DCT: variants seen among roughly 807,000 people sequenced by gnomAD.
DCT encodes L-dopachrome tautomerase.
In DCT, 47 loss-of-function variants were observed where a neutral mutation model predicts 53.0. The observed-to-expected ratio is 0.89, with a 90% confidence interval of 0.70 to 1.13. The LOEUF (loss-of-function observed/expected upper bound fraction) is 1.13, where lower values mean the gene tolerates loss of function less well. Among genes scored for constraint, DCT ranks in the 50% most tolerant of loss-of-function variants. DCT has a pLI of 0.00. For synonymous variants in DCT, 244 were observed against 237.0 expected (o/e 1.03, Z -0.27); for missense variants, 669 against 637.4 (o/e 1.05, Z -0.53).
chr13:94,523,085 A>G, the DCT span, among the ~76,000 whole-genome samples: 2 of 152,224 alleles, frequency 1.3e-5, no homozygotes, highest in Non-Finnish European at 2.9e-5. Context: ...TCCAACCTCA[A>G]AGCAAGAATG....
chr13:94,499,272 G>A, the DCT span, among the ~76,000 whole-genome samples: 980 of 152,258 alleles, frequency 6.4e-3, 11 homozygotes, highest in African/African-American at 0.02. Context: ...AACACTCACC[G>A]TGAAGGTCTG....
At chr13:94,498,670 G>A in the DCT span, among the ~76,000 whole-genome samples, 764 of 152,330 alleles carry the variant, frequency 5.0e-3, 8 homozygotes, top group African/African-American at 0.018. Context: ...AACTATGACA[G>A]GAGCTGTGTA....
At chr13:94,486,183 G>A in the DCT span, among the ~76,000 whole-genome samples, 8 of 152,188 alleles carry the variant, frequency 5.3e-5, no homozygotes, top group East Asian at 1.5e-3. Context: ...TTTTCTCTGG[G>A]GAAGTCAGCA....
chr13:94,497,577 A>G, the DCT span, among the ~76,000 whole-genome samples: 1 of 152,360 alleles, frequency 6.6e-6, no homozygotes, highest in South Asian at 2.1e-4. Context: ...AATAAAGCAA[A>G]CTACAGAAAA....
intron 6 of DCT, 42 bp downstream of exon 6, chr13:94,460,049 T>C (rs1455587696): frequency 1.9e-6 from 3 of 1,592,068 alleles, no homozygotes; most frequent in East Asian, 2.2e-5. Flanking sequence ...ATCTGACATA[T>C]TATCTAGAAA....
At chr13:94,544,900 C>A in the DCT span, among the ~76,000 whole-genome samples, 1 of 152,132 alleles carries the variant, frequency 6.6e-6, no homozygotes, top group African/African-American at 2.4e-5. Flanking sequence ...AAATACTCAT[C>A]TGGTTTTATT....
At chr13:94,497,063 TTGGTTAAA>T in the DCT span, among the ~76,000 whole-genome samples, 1 of 152,238 alleles carries the variant, frequency 6.6e-6, no homozygotes, top group African/African-American at 2.4e-5. Flanking sequence ...ACCCAGACAT[TTGGTTAAA>T]CATTTTTCTG....
chr13:94,472,174 T>G (rs1489243716), intron 1 of DCT, among the ~76,000 whole-genome samples: 1 of 152,182 alleles, frequency 6.6e-6, no homozygotes, highest in Non-Finnish European at 1.5e-5. Context: ...TTATTTTCTT[T>G]GCCATGATTC....
At chr13:94,536,825 T>A in the DCT span, among the ~76,000 whole-genome samples, 1 of 152,092 alleles carries the variant, frequency 6.6e-6, no homozygotes, top group Non-Finnish European at 1.5e-5. Context: ...GAGCTTGTAA[T>A]CCCAGCTACT....
the DCT span, among the ~76,000 whole-genome samples, chr13:94,510,166 C>G: frequency 9.2e-5 from 14 of 152,178 alleles, no homozygotes; most frequent in Non-Finnish European, 1.5e-4. Flanking sequence ...CAAGGGCATT[C>G]TCTAGAGTTA....
the DCT span, among the ~76,000 whole-genome samples, chr13:94,527,142 G>A: frequency 6.6e-6 from 1 of 152,230 alleles, no homozygotes; most frequent in African/African-American, 2.4e-5. Context: ...AAACTGGGCA[G>A]AGCCCACCAC....
At chr13:94,537,256 A>G in the DCT span, among the ~76,000 whole-genome samples, 1 of 152,238 alleles carries the variant, frequency 6.6e-6, no homozygotes, top group Non-Finnish European at 1.5e-5. Context: ...TCTCAGTTAC[A>G]TCTGAAAGGT....
At chr13:94,444,971 T>C (rs1882624308) in intron 6 of DCT, among the ~76,000 whole-genome samples, 1 of 152,360 alleles carries the variant, frequency 6.6e-6, no homozygotes, top group Middle Eastern at 3.4e-3. Context: ...ATGTGTTTGC[T>C]GATGACAGTG....
the DCT span, among the ~76,000 whole-genome samples, chr13:94,490,521 A>AAAAAAAAACAAAAAC: frequency 6.8e-6 from 1 of 147,496 alleles, no homozygotes; most frequent in Non-Finnish European, 1.5e-5. Flanking sequence ...AAAAAAAAAA[A>AAAAAAAAACAAAAAC]AAAAAAAAAA....
At chr13:94,518,670 C>T in the DCT span, among the ~76,000 whole-genome samples, 5 of 152,224 alleles carry the variant, frequency 3.3e-5, no homozygotes, top group African/African-American at 4.8e-5. Flanking sequence ...CCTCTGCACA[C>T]GTCTCTGCAT....
intron 1 of DCT, among the ~76,000 whole-genome samples, chr13:94,478,631 G>A (rs919832057): frequency 6.6e-6 from 1 of 152,226 alleles, no homozygotes; most frequent in African/African-American, 2.4e-5. Context: ...AATCCATCTT[G>A]AAAGGACTTG....
intron 6 of DCT, among the ~76,000 whole-genome samples, chr13:94,453,298 T>C (rs1202136983): frequency 6.6e-6 from 1 of 151,984 alleles, no homozygotes; most frequent in African/African-American, 2.4e-5. Context: ...ATGACTATAA[T>C]TGCAACTGTA....
At chr13:94,524,008 A>G in the DCT span, among the ~76,000 whole-genome samples, 1 of 152,204 alleles carries the variant, frequency 6.6e-6, no homozygotes, top group Non-Finnish European at 1.5e-5. Context: ...AGAAGAAAAA[A>G]GGGATTTGCA....
chr13:94,449,165 A>G (rs1882928776), intron 6 of DCT, among the ~76,000 whole-genome samples: 1 of 152,116 alleles, frequency 6.6e-6, no homozygotes. Context: ...CAAGGTAAAG[A>G]TTTTTCATGT....
Sources: gnomAD v4.1 joint callset for allele counts (sites outside exome capture counted in the v4.1 genomes callset) on GRCh38, gnomAD v4.1.1 for gene constraint, MANE v1.5 for transcripts, NCBI Gene and HGNC (gene_info 2026-07-23, HGNC 2026-07-21) for gene names.